CDKAL1: variants seen among roughly 807,000 people sequenced by gnomAD.
CDKAL1 encodes threonylcarbamoyladenosine tRNA methylthiotransferase.
CDKAL1 carries 32 observed loss-of-function variants against 68.2 expected under a neutral mutation model. That is an observed-to-expected ratio of 0.47 (90% CI 0.35 to 0.63). The LOEUF (loss-of-function observed/expected upper bound fraction) is 0.63. Among genes scored for constraint, CDKAL1 ranks in the 30% least tolerant of loss-of-function variants. CDKAL1 has a pLI of 0.00. For synonymous variants in CDKAL1, 234 were observed against 244.3 expected (o/e 0.96, Z 0.39); for missense variants, 606 against 696.7 (o/e 0.87, Z 1.47).
intron 4 of CDKAL1, among the ~76,000 whole-genome samples, chr6:20,595,223 C>T (rs1421829601): frequency 6.6e-6 from 1 of 152,124 alleles, no homozygotes; most frequent in Non-Finnish European, 1.5e-5. Context: ...GGCATGTCTT[C>T]TAGGTTGGGG....
chr6:20,658,567 T>C (rs1414241498), intron 5 of CDKAL1, among the ~76,000 whole-genome samples: 1 of 57,744 alleles, frequency 1.7e-5, no homozygotes, highest in Non-Finnish European at 3.1e-5. Flanking sequence ...GAAAATATTG[T>C]TTATGTAGAT....
At chr6:20,960,644 G>C (rs1447768753) in intron 10 of CDKAL1, among the ~76,000 whole-genome samples, 2 of 152,198 alleles carry the variant, frequency 1.3e-5, no homozygotes, top group Non-Finnish European at 2.9e-5. Context: ...TTTACTGAAT[G>C]ATGTGATAGC....
intron 6 of CDKAL1, among the ~76,000 whole-genome samples, chr6:20,748,956 T>C (rs1419422554): frequency 2.6e-5 from 4 of 151,812 alleles, no homozygotes; most frequent in African/African-American, 9.7e-5. Context: ...TGTATGTGTA[T>C]ATATATATGT....
intron 2 of CDKAL1, among the ~76,000 whole-genome samples, chr6:20,538,420 T>A (rs753746357): frequency 5.3e-5 from 8 of 152,172 alleles, no homozygotes; most frequent in Non-Finnish European, 1.0e-4. Flanking sequence ...AGGTTCTGAT[T>A]TCTAGCTCTA....
chr6:20,739,637 A>G (rs768574614), intron 6 of CDKAL1, 22 bp downstream of exon 6: 2 of 1,410,192 alleles, frequency 1.4e-6, no homozygotes, highest in Admixed American at 4.0e-5. Flanking sequence ...CCTGATGCAA[A>G]AAGAGAAAAT....
intron 7 of CDKAL1, among the ~76,000 whole-genome samples, chr6:20,769,498 A>T (rs1774846765): frequency 6.6e-6 from 1 of 151,558 alleles, no homozygotes; most frequent in Non-Finnish European, 1.5e-5. Flanking sequence ...GCCTCATGTG[A>T]TCTCCCCCGC....
intron 5 of CDKAL1, among the ~76,000 whole-genome samples, chr6:20,730,852 A>AAG (rs1251478934): frequency 1.8e-4 from 28 of 151,852 alleles, no homozygotes; most frequent in Non-Finnish European, 4.0e-4. Context: ...TCAAAAAAAA[A>AAG]AAAAAAAAAG....
At chr6:20,746,753 A>G (rs1415623840) in intron 6 of CDKAL1, among the ~76,000 whole-genome samples, 1 of 152,184 alleles carries the variant, frequency 6.6e-6, no homozygotes, top group African/African-American at 2.4e-5. Flanking sequence ...TATTGTATAT[A>G]TTTAAGGTGT....
At chr6:20,724,525 T>C (rs1401757898) in intron 5 of CDKAL1, among the ~76,000 whole-genome samples, 1 of 151,874 alleles carries the variant, frequency 6.6e-6, no homozygotes, top group Non-Finnish European at 1.5e-5. Context: ...CAGAACAGTG[T>C]AGGCAACATG....
intron 9 of CDKAL1, among the ~76,000 whole-genome samples, chr6:20,948,465 C>A (rs2150712685): frequency 6.6e-6 from 1 of 152,292 alleles, no homozygotes; most frequent in East Asian, 1.9e-4. Flanking sequence ...TCTTTACCTT[C>A]TAAACTATTC....
chr6:20,845,213 A>G (rs1225763740), intron 8 of CDKAL1, among the ~76,000 whole-genome samples: 4 of 152,106 alleles, frequency 2.6e-5, no homozygotes, highest in Non-Finnish European at 5.9e-5. Context: ...AAGCCTTGCT[A>G]CTCATTATAG....
chr6:20,771,940 A>AT (rs1774964349), intron 7 of CDKAL1, among the ~76,000 whole-genome samples: 2 of 152,184 alleles, frequency 1.3e-5, no homozygotes, highest in African/African-American at 4.8e-5. Context: ...TTCTTTATAA[A>AT]TTACGCAGCC....
chr6:21,003,359 T>C (rs180968490), intron 11 of CDKAL1, among the ~76,000 whole-genome samples: 153 of 51,832 alleles, frequency 3.0e-3, no homozygotes, highest in African/African-American at 0.02. Context: ...TATATATATA[T>C]ATATATATAT....
At chr6:20,713,270 C>T (rs1771933274) in intron 5 of CDKAL1, among the ~76,000 whole-genome samples, 1 of 152,162 alleles carries the variant, frequency 6.6e-6, no homozygotes, top group Non-Finnish European at 1.5e-5. Context: ...AAAGAGCTTA[C>T]ACTAACAAGG....
chr6:20,563,024 C>T (rs1474680386), intron 4 of CDKAL1, among the ~76,000 whole-genome samples: 1 of 152,036 alleles, frequency 6.6e-6, no homozygotes, highest in Non-Finnish European at 1.5e-5. Context: ...TTTCAGTAGC[C>T]TTTTTGGTGA....
At chr6:20,544,891 T>C (rs1460255691) in intron 2 of CDKAL1, among the ~76,000 whole-genome samples, 2 of 152,088 alleles carry the variant, frequency 1.3e-5, no homozygotes, top group East Asian at 3.9e-4. Flanking sequence ...TGTGTTGGGG[T>C]GCTTGATTGT....
chr6:20,984,817 G>GT (rs947026949), intron 10 of CDKAL1, among the ~76,000 whole-genome samples: 7 of 148,384 alleles, frequency 4.7e-5, no homozygotes, highest in Admixed American at 1.4e-4. Context: ...GTAACGGGGG[G>GT]GGGTGGGGAA....
rs191100643 is a variant in CDKAL1 at position 21,134,594 on chromosome 6, G to T, written c.1299+26131G>T. Among the ~76,000 whole-genome samples, 115 of 152,180 alleles carry T rather than the reference G, an allele frequency of 7.6e-4. 2 individuals carry two copies. The highest frequency in any genetic ancestry group is 2.6e-3 in the African/African-American group (109 of 41,534). On this transcript the variant is annotated intron_variant, in intron 13 of 15. Transcript: ENST00000274695. ...CTGCGGAATACAAAACATAATCCAC[G>T]CTGTAACAGTAATCAGTCATCGAAT...
chr6:20,799,051 T>TTTTTTTTTTTTG (rs1776250553), intron 8 of CDKAL1, among the ~76,000 whole-genome samples: 1 of 116,182 alleles, frequency 8.6e-6, no homozygotes, highest in African/African-American at 3.4e-5. Context: ...TTTTTTTTTT[T>TTTTTTTTTTTTG]TTTTTTTTTT....
Sources: gnomAD v4.1 joint callset for allele counts (sites outside exome capture counted in the v4.1 genomes callset) on GRCh38, gnomAD v4.1.1 for gene constraint, MANE v1.5 for transcripts, NCBI Gene and HGNC (gene_info 2026-07-23, HGNC 2026-07-21) for gene names.